The following CDH7 variants were observed in gnomAD, a reference collection of about 807,000 sequenced individuals.
CDH7 encodes the protein cadherin-7.
In CDH7, 25 loss-of-function variants were observed where a neutral mutation model predicts 71.8. The observed-to-expected ratio is 0.35, with a 90% CI of 0.25 to 0.49. The LOEUF is 0.49. Among genes scored for constraint, CDH7 ranks in the 20% least tolerant of loss-of-function variants. CDH7 has a pLI of 0.99. For missense variants in CDH7, 862 were observed against 974.6 expected, an observed-to-expected ratio of 0.88 and a Z score of 1.54; for synonymous variants, 381 against 363.8, an observed-to-expected ratio of 1.05 and a Z score of -0.54.
chr18:65,839,214 T>C (rs1912640600), intron 6 of CDH7, among the ~76,000 whole-genome samples: 1 of 152,194 alleles, frequency 6.6e-6, no homozygotes, highest in African/African-American at 2.4e-5. Context: ...TCTTAGTCCG[T>C]TTGGGCTACT....
At position 65,822,263 on chromosome 18, in the gene CDH7, T is replaced by TAA. The variant is rs781090685; in HGVS notation, c.793+16_793+17dup. ...CTTTCCTCGAAGTAAGTTGTTTTCT[T>TAA]AAGTGACACAAGTGCAATAACTTTC... is the stretch of plus-strand genomic sequence containing the variant. On this transcript the variant is annotated intron_variant, in intron 5 of 11. Transcript: ENST00000397968. The TAA allele has an allele frequency of 6.3e-7, 1 of 1,597,696 alleles. No individual in the cohort carries two copies. Among genetic ancestry groups the TAA allele is most frequent in the Non-Finnish European group, 8.6e-7 (1 of 1,166,878 alleles).
At chr18:65,757,619 A>G (rs1278494591) in intron 1 of CDH7, among the ~76,000 whole-genome samples, 1 of 152,060 alleles carries the variant, frequency 6.6e-6, no homozygotes, top group Non-Finnish European at 1.5e-5. Context: ...CAGATTAATC[A>G]TTTATCCAGT....
At chr18:65,810,100 C>T in intron 3 of CDH7, 102 bp downstream of exon 3, 2 of 966,686 alleles carry the variant, frequency 2.1e-6, no homozygotes, top group Non-Finnish European at 3.1e-6. Context: ...AAAAACCTTA[C>T]TAGTATGTGT....
At chr18:65,781,820 T>TC (rs1568181501) in intron 2 of CDH7, among the ~76,000 whole-genome samples, 5 of 58,382 alleles carry the variant, frequency 8.6e-5, no homozygotes, top group African/African-American at 5.3e-4. Context: ...CCTTCCTTCC[T>TC]TCTTTCTTTC....
At chr18:65,781,780 T>TA (rs1910209691) in intron 2 of CDH7, among the ~76,000 whole-genome samples, 1 of 59,162 alleles carries the variant, frequency 1.7e-5, no homozygotes, top group African/African-American at 1.3e-4. Context: ...CCTTCCTTCC[T>TA]TCCTTCCTTC....
intron 9 of CDH7, among the ~76,000 whole-genome samples, chr18:65,859,453 G>A (rs935582096): frequency 6.6e-6 from 1 of 152,130 alleles, no homozygotes; most frequent in African/African-American, 2.4e-5. Flanking sequence ...ATGTTTCCTG[G>A]GATGTCTAAT....
At position 65,888,873 on chromosome 18, in the gene CDH7, T is replaced by A. The variant is rs1035926294; in HGVS notation, c.*7979T>A. 2.6e-5 allele frequency: 4 copies of A among 152,110 alleles called. No individual in the cohort carries two copies. The highest frequency in any genetic ancestry group is 9.7e-5 in the African/African-American group (4 of 41,430). 9.4% of individuals were successfully genotyped at this position (152,110 alleles called of 1,614,324 possible). Reference sequence around the variant, plus strand: ...ATTAAGACTGTCAATAAATGATGGTTTGGTTTAAGAGGATAAGAAGATAGC... The same window carrying A: ...ATTAAGACTGTCAATAAATGATGGTATGGTTTAAGAGGATAAGAAGATAGC... On this transcript the variant is annotated 3_prime_UTR_variant, in exon 12 of 12. Transcript: ENST00000397968.
At chr18:65,841,194 A>T (rs1912719710) in intron 6 of CDH7, among the ~76,000 whole-genome samples, 1 of 152,156 alleles carries the variant, frequency 6.6e-6, no homozygotes, top group African/African-American at 2.4e-5. Context: ...GCAACCAATC[A>T]TCATGCATAA....
At chr18:65,751,967 G>A (rs1007701942) in intron 1 of CDH7, among the ~76,000 whole-genome samples, 3 of 152,184 alleles carry the variant, frequency 2.0e-5, no homozygotes, top group Non-Finnish European at 2.9e-5. Context: ...GTAAAGATTG[G>A]CAATGAGTTC....
intron 2 of CDH7, among the ~76,000 whole-genome samples, chr18:65,794,592 GA>G (rs59757795): frequency 0.035 from 4,857 of 138,628 alleles, 194 homozygotes; most frequent in African/African-American, 0.1. Context: ...GGAGGGGTTA[GA>G]AAAAAAAAAA....
chr18:65,776,361 A>AACACAC lies in CDH7; in HGVS notation c.210+13345_210+13350dup, dbSNP rs66695422. The stretch of plus-strand genomic sequence containing the variant: ...AATCACACATTTGAAGAAAGTACAG[A>AACACAC]ACACACACACACACACACACACACA... On this transcript the variant is annotated intron_variant, in intron 2 of 11. Coordinates refer to ENST00000397968, the MANE Select transcript of CDH7 (RefSeq NM_004361.5). 5.8e-3 allele frequency among the ~76,000 whole-genome samples: 807 copies of AACACAC among 139,710 alleles called. 4 individuals carry two copies. The highest frequency in any genetic ancestry group is 9.7e-3 in the African/African-American group (364 of 37,422). 91.7% of individuals were successfully genotyped at this position (139,710 alleles called of 152,430 possible).
intron 2 of CDH7, among the ~76,000 whole-genome samples, chr18:65,775,345 A>G (rs1218522038): frequency 6.6e-6 from 1 of 152,202 alleles, no homozygotes; most frequent in African/African-American, 2.4e-5. Context: ...GGGTTTAACA[A>G]TAGGTCTCAT....
chr18:65,815,270 T>A (rs866611722), intron 4 of CDH7, among the ~76,000 whole-genome samples: 2 of 152,222 alleles, frequency 1.3e-5, no homozygotes, highest in South Asian at 4.2e-4. Context: ...ATGTATTCAG[T>A]TTTTCTGGTC....
At position 65,862,888 on chromosome 18, in the gene CDH7, C is replaced by A. The variant is rs752090043; in HGVS notation, c.1835C>A (p.Ala612Asp). 6.2e-7 allele frequency: 1 copy of A among 1,614,184 alleles called. No individual in the cohort carries two copies. Among genetic ancestry groups the A allele is most frequent in the Non-Finnish European group, 8.5e-7 (1 of 1,180,018 alleles). ...GGCCTCAGTACAGGAGCCCTGATAG[C>A]CATACTCGCCTGTGTCTTGACATTA... ...PAGLSTGALI[A>D]ILACVLTLLV... The change falls in exon 11 of 12, where the codon GCC (alanine) becomes GAC (aspartate). Residue 612 changes from alanine to aspartate, a missense_variant. Ala to Asp is a moderately radical substitution (Grantham distance 126, BLOSUM62 -2). Coordinates refer to ENST00000397968, the MANE Select transcript of CDH7 (RefSeq NM_004361.5).
In CDH7 at chr18:65,805,002, CTT is replaced by C. The variant is rs199979694; in HGVS notation, c.211-4701_211-4700del. Among the ~76,000 whole-genome samples the C allele has an allele frequency of 2.9e-4, 44 of 151,628 alleles. No homozygotes were observed. In the East Asian group the frequency reaches 7.6e-3, roughly 26 times the overall value. On this transcript the variant is annotated intron_variant, in intron 2 of 11. Coordinates refer to ENST00000397968, the MANE Select transcript of CDH7 (RefSeq NM_004361.5). ...TTTTTTCTTTAAAAAGCTATTAAAA[CTT>C]AAATGGACAGAAATTGAAATAAAAC...
Position 65,886,391 on chromosome 18 carries a change from A to G in CDH7, c.*5497A>G, listed in dbSNP as rs551985517. On this transcript the variant is annotated 3_prime_UTR_variant, in exon 12 of 12. Coordinates refer to ENST00000397968, the MANE Select transcript of CDH7 (RefSeq NM_004361.5). ...ATTCAAATAGATAATTGTCATAATT[A>G]ATTGAAGCCACTCAAATACAGTTAT... 57 of 83,398 alleles carry G rather than the reference A, an allele frequency of 6.8e-4. No individual in the cohort carries two copies. Among genetic ancestry groups the G allele is most frequent in the African/African-American group, 2.1e-3 (56 of 26,810 alleles). 5.2% of individuals were successfully genotyped at this position (83,398 alleles called of 1,614,324 possible). A position where few individuals can be genotyped will look rare whatever the true frequency, so the allele number is the denominator to read the frequency against.
rs1456375310 is a variant in CDH7, at chr18:65,888,341, A to AT, written c.*7448dup. On this transcript the variant is annotated 3_prime_UTR_variant, in exon 12 of 12. Transcript: ENST00000397968. ...GTGTGTTTTGCTGTATTTTTAAAAA[A>AT]TAAGAAAAAATTATCACAGAGTAAG... 1.3e-5 allele frequency: 2 copies of AT among 152,202 alleles called. No individual in the cohort carries two copies. Among genetic ancestry groups the AT allele is most frequent in the Non-Finnish European group, 2.9e-5 (2 of 68,030 alleles). 9.4% of individuals were successfully genotyped at this position (152,202 alleles called of 1,614,324 possible). A position where few individuals can be genotyped will look rare whatever the true frequency, so the allele number is the denominator to read the frequency against.
At position 65,883,336 on chromosome 18, in the gene CDH7, A is replaced by C. The variant is rs1914284765; in HGVS notation, c.*2442A>C. The C allele has an allele frequency of 6.6e-6, 1 of 151,852 alleles. No homozygotes were observed. The highest frequency in any genetic ancestry group is 6.6e-5 in the Admixed American group (1 of 15,212). The allele number at this position is 151,852 out of a possible 1,614,324, so 9.4% of individuals were successfully genotyped here. On this transcript the variant is annotated 3_prime_UTR_variant, in exon 12 of 12. Coordinates refer to ENST00000397968, the MANE Select transcript of CDH7 (RefSeq NM_004361.5). Reference sequence around the variant, plus strand: ...TCTAAGCTTAATTGTAATAGTAGTAAATTTTTTGCCGTTGCTTATTTTAGT... The same window carrying C: ...TCTAAGCTTAATTGTAATAGTAGTACATTTTTTGCCGTTGCTTATTTTAGT...
At chr18:65,827,752 A>G (rs182892705) in intron 6 of CDH7, among the ~76,000 whole-genome samples, 2 of 152,084 alleles carry the variant, frequency 1.3e-5, no homozygotes, top group Admixed American at 6.5e-5. Context: ...TAAAAGTAAA[A>G]TGATGTATAG....
Sources: allele counts gnomAD v4.1 joint callset (sites outside exome capture counted in the v4.1 genomes callset), GRCh38; gene constraint gnomAD v4.1.1; transcripts MANE v1.5; gene names NCBI Gene and HGNC (gene_info 2026-07-23, HGNC 2026-07-21).